Variants in SYT9 observed in about 807,000 individuals in gnomAD.
SYT9 encodes synaptotagmin-9.
In SYT9, 22 loss-of-function variants were observed where a neutral mutation model predicts 48.4. The ratio of observed to expected loss-of-function variants is 0.45; its 90% CI spans 0.32 to 0.65. The LOEUF is 0.65. Among genes scored for constraint, SYT9 ranks in the 30% least tolerant of loss-of-function variants. The pLI is 0.03. For missense variants in SYT9, 577 were observed against 622.0 expected (o/e 0.93, Z 0.77); for synonymous variants, 265 against 245.0 (o/e 1.08, Z -0.76).
At chr11:7,399,058 TATG>T (rs1413129388) in intron 3 of SYT9, among the ~76,000 whole-genome samples, 2 of 152,214 alleles carry the variant, frequency 1.3e-5, no homozygotes, top group Non-Finnish European at 2.9e-5. Flanking sequence ...ATAAAAATAT[TATG>T]GAAAATGTCA....
chr11:7,406,987 G>A (rs1041463097), intron 3 of SYT9, among the ~76,000 whole-genome samples: 1 of 152,090 alleles, frequency 6.6e-6, no homozygotes, highest in African/African-American at 2.4e-5. Context: ...CCATTTGTAT[G>A]TATGTCTTTT....
At chr11:7,439,930 A>T (rs919157337) in intron 6 of SYT9, 1 of 152,236 alleles carries the variant, frequency 6.6e-6, no homozygotes, top group African/African-American at 2.4e-5. Context: ...GGGTTGGGTC[A>T]ATTAGATTAT....
chr11:7,367,577 T>C (rs1176460363), intron 3 of SYT9, among the ~76,000 whole-genome samples: 1 of 152,190 alleles, frequency 6.6e-6, no homozygotes, highest in African/African-American at 2.4e-5. Flanking sequence ...AACATCTTTT[T>C]GTAAGTTTAT....
At chr11:7,262,836 A>G (rs757207104) in intron 1 of SYT9, among the ~76,000 whole-genome samples, 36 of 152,176 alleles carry the variant, frequency 2.4e-4, no homozygotes, top group Non-Finnish European at 4.9e-4. Context: ...CAGTAAAGAC[A>G]GAATAGTCTT....
intron 1 of SYT9, among the ~76,000 whole-genome samples, chr11:7,292,818 G>T (rs779917930): frequency 2.0e-5 from 3 of 152,080 alleles, no homozygotes; most frequent in African/African-American, 7.2e-5. Flanking sequence ...CAATTATGTG[G>T]GTGTAAAATA....
chr11:7,367,671 T>A (rs756738530), intron 3 of SYT9, among the ~76,000 whole-genome samples: 1 of 152,194 alleles, frequency 6.6e-6, no homozygotes, highest in Non-Finnish European at 1.5e-5. Flanking sequence ...TTTTTCTTAG[T>A]AATTTTTAAG....
intron 3 of SYT9, among the ~76,000 whole-genome samples, chr11:7,407,765 A>G (rs1231786582): frequency 6.6e-6 from 1 of 151,958 alleles, no homozygotes; most frequent in Non-Finnish European, 1.5e-5. Flanking sequence ...TGGATCTCCA[A>G]TTTTCCCAGC....
chr11:7,394,202 A>T lies in SYT9; in HGVS notation c.1045-21840A>T, dbSNP rs1846698433. On this transcript the variant is annotated intron_variant, in intron 3 of 6. Coordinates refer to ENST00000318881, the MANE Select transcript of SYT9 (RefSeq NM_175733.4). ...GTTCAATTCCCACCTATGAGTGAGAACATGTGGTATTTGGTTTTTTGTCCT... is the reference window on the plus strand; with the variant it reads ...GTTCAATTCCCACCTATGAGTGAGATCATGTGGTATTTGGTTTTTTGTCCT... 2.6e-5 allele frequency among the ~76,000 whole-genome samples: 4 copies of T among 151,872 alleles called. No individual in the cohort carries two copies. In the South Asian group the frequency reaches 8.3e-4, roughly 32 times the overall value.
rs1037301467 is a variant in SYT9, at chr11:7,453,881, C to T, written c.1468-12911C>T. On this transcript the variant is annotated intron_variant, in intron 6 of 6. Transcript: ENST00000318881. ...AGGCCGAAAGGGAGTCAGGCCAGGGCGCAGAGGGCATGGCCCCTAAGTTCA... is the reference window on the plus strand; with the variant it reads ...AGGCCGAAAGGGAGTCAGGCCAGGGTGCAGAGGGCATGGCCCCTAAGTTCA... 14 of 532,098 alleles carry T rather than the reference C, an allele frequency of 2.6e-5. No homozygotes were observed. In the South Asian group the frequency reaches 7.5e-4, roughly 28 times the overall value. 33.0% of individuals were successfully genotyped at this position (532,098 alleles called of 1,614,324 possible). A position where few individuals can be genotyped will look rare whatever the true frequency, so the allele number is the denominator to read the frequency against.
intron 6 of SYT9, among the ~76,000 whole-genome samples, chr11:7,430,907 A>C (rs900130121): frequency 1.3e-5 from 2 of 152,226 alleles, no homozygotes; most frequent in African/African-American, 4.8e-5. Context: ...TAAATTGCCC[A>C]GTCCCAGGTA....
intron 3 of SYT9, among the ~76,000 whole-genome samples, chr11:7,354,418 A>G (rs1180010730): frequency 6.6e-6 from 1 of 152,214 alleles, no homozygotes; most frequent in Non-Finnish European, 1.5e-5. Flanking sequence ...TCCTGGCAGA[A>G]CCAACATCTG....
intron 1 of SYT9, chr11:7,238,956 C>T (rs1024602430): frequency 4.4e-6 from 2 of 455,680 alleles, no homozygotes; most frequent in African/African-American, 2.0e-5. Context: ...CATCTCTGTC[C>T]CTGTGGATGG....
chr11:7,349,194 T>G (rs576307915), intron 3 of SYT9, among the ~76,000 whole-genome samples: 1 of 151,882 alleles, frequency 6.6e-6, no homozygotes, highest in Non-Finnish European at 1.5e-5. Context: ...TGCCGGGGAC[T>G]GGGGGGAGGG....
intron 3 of SYT9, among the ~76,000 whole-genome samples, chr11:7,400,443 A>T (rs1846866083): frequency 6.6e-6 from 1 of 152,230 alleles, no homozygotes; most frequent in Non-Finnish European, 1.5e-5. Context: ...AAAATCAGTA[A>T]TTAAACTCCA....
At chr11:7,391,735 T>TTAAAAAAAAAAAAA (rs1447561624) in intron 3 of SYT9, among the ~76,000 whole-genome samples, 1 of 35,940 alleles carries the variant, frequency 2.8e-5, no homozygotes, top group Admixed American at 4.5e-4. Flanking sequence ...ACCCCATCTC[T>TTAAAAAAAAAAAAA]AAAAAAAAAA....
At chr11:7,275,487 TC>T (rs1848370881) in intron 1 of SYT9, among the ~76,000 whole-genome samples, 1 of 152,212 alleles carries the variant, frequency 6.6e-6, no homozygotes, top group Admixed American at 6.5e-5. Context: ...CATTCTATTT[TC>T]TTTCATGGGT....
upstream of SYT9, among the ~76,000 whole-genome samples, chr11:7,249,115 C>G (rs181295850): frequency 6.6e-6 from 1 of 152,272 alleles, no homozygotes; most frequent in African/African-American, 2.4e-5. Context: ...CTCATTTACT[C>G]TTAATTAAGT....
chr11:7,453,025 C>T (rs1339078780), intron 6 of SYT9, among the ~76,000 whole-genome samples: 1 of 151,914 alleles, frequency 6.6e-6, no homozygotes, highest in East Asian at 2.0e-4. Context: ...GAGATGATCC[C>T]CCTGCCTCGG....
At chr11:7,324,122 A>C (rs948030583) in intron 3 of SYT9, among the ~76,000 whole-genome samples, 3 of 151,866 alleles carry the variant, frequency 2.0e-5, no homozygotes, top group Non-Finnish European at 4.4e-5. Context: ...ATACCAAATT[A>C]TTTTTTATTT....
Sources: allele counts gnomAD v4.1 joint callset (sites outside exome capture counted in the v4.1 genomes callset), GRCh38; gene constraint gnomAD v4.1.1; transcripts MANE v1.5; gene names NCBI Gene and HGNC (gene_info 2026-07-23, HGNC 2026-07-21).